Variants in RBFOX1 observed in about 807,000 individuals in gnomAD.
The protein encoded by RBFOX1 is RNA binding fox-1 homolog 1.
RBFOX1 carries 8 observed loss-of-function variants against 57.7 expected under a neutral mutation model. That is an observed-to-expected ratio of 0.14 (90% CI 0.08 to 0.25). The LOEUF is 0.25. RBFOX1 is among the 10% of genes least tolerant of loss of function. The pLI, the probability that RBFOX1 is intolerant of heterozygous loss-of-function variation, is 1.00. For missense variants in RBFOX1, 611 were observed against 548.5 expected (o/e 1.11, Z -1.14); for synonymous variants, 326 against 222.4 (o/e 1.47, Z -4.15).
chr16:6,744,468 A>C (rs1298788971), intron 3 of RBFOX1, among the ~76,000 whole-genome samples: 1 of 152,100 alleles, frequency 6.6e-6, no homozygotes, highest in Non-Finnish European at 1.5e-5. Flanking sequence ...TTTTTTAATC[A>C]ATAAATTTAA....
At chr16:6,351,372 ATT>A (rs761394862) in intron 2 of RBFOX1, among the ~76,000 whole-genome samples, 52 of 86,420 alleles carry the variant, frequency 6.0e-4, no homozygotes, top group African/African-American at 2.5e-3. Context: ...ATATATATAT[ATT>A]TTTTTTTTTT....
intron 1 of RBFOX1, among the ~76,000 whole-genome samples, chr16:5,439,863 G>A (rs188857256): frequency 4.2e-4 from 64 of 152,302 alleles, no homozygotes; most frequent in Admixed American, 4.1e-3. Context: ...GTGAGTTAGG[G>A]TTAGGGCATG....
chr16:6,246,659 G>A (rs987148107), intron 1 of RBFOX1, among the ~76,000 whole-genome samples: 3 of 152,182 alleles, frequency 2.0e-5, no homozygotes, highest in Non-Finnish European at 4.4e-5. Context: ...AATGTTAGAT[G>A]TCACAGTCAT....
chr16:6,347,236 C>T lies in RBFOX1; in HGVS notation c.-64+30179C>T, dbSNP rs1378844697. On this transcript the variant is annotated intron_variant, in intron 2 of 15. Transcript: ENST00000550418. ...AAAGTGATGTGAAGAAGAGAGTCAACTAGGGAAGTCATGGTAATGTAGACA... is the reference window on the plus strand; with the variant it reads ...AAAGTGATGTGAAGAAGAGAGTCAATTAGGGAAGTCATGGTAATGTAGACA... Among the ~76,000 whole-genome samples the T allele has an allele frequency of 3.3e-5, 5 of 152,150 alleles. No individual in the cohort carries two copies. The East Asian group carries it at 7.7e-4, about 23-fold the overall frequency.
Position 6,641,808 on chromosome 16 carries a change from G to A in RBFOX1, c.-63-12795G>A, listed in dbSNP as rs375725690. Among the ~76,000 whole-genome samples the A allele has an allele frequency of 1.5e-4, 22 of 147,052 alleles. No individual in the cohort carries two copies. The East Asian group carries it at 1.8e-3, about 12-fold the overall frequency. ...TTCTGCCCTGAGCCTTTCAGGCCTGGCCTTGTTGCTCTGGGACTTGCTCCC... is the reference window on the plus strand; with the variant it reads ...TTCTGCCCTGAGCCTTTCAGGCCTGACCTTGTTGCTCTGGGACTTGCTCCC... On this transcript the variant is annotated intron_variant, in intron 2 of 15. Coordinates refer to ENST00000550418, the MANE Select transcript of RBFOX1 (RefSeq NM_018723.4).
intron 1 of RBFOX1, among the ~76,000 whole-genome samples, chr16:6,278,719 T>A (rs552794908): frequency 3.7e-4 from 57 of 152,296 alleles, no homozygotes; most frequent in African/African-American, 1.3e-3. Flanking sequence ...AAATCATAGA[T>A]ATTTGCATAC....
chr16:7,006,848 C>T (rs116102225), intron 3 of RBFOX1, among the ~76,000 whole-genome samples: 14 of 152,192 alleles, frequency 9.2e-5, no homozygotes, highest in Non-Finnish European at 1.6e-4. Flanking sequence ...AGTGGAATCA[C>T]ACTTTGAACC....
intron 1 of RBFOX1, among the ~76,000 whole-genome samples, chr16:6,160,389 A>G (rs2096869248): frequency 6.6e-6 from 1 of 152,168 alleles, no homozygotes; most frequent in Non-Finnish European, 1.5e-5. Flanking sequence ...TTTTTCTGTG[A>G]CAAAAGCAGC....
intron 4 of RBFOX1, among the ~76,000 whole-genome samples, chr16:7,486,271 C>T (rs2065364110): frequency 1.3e-5 from 2 of 151,550 alleles, no homozygotes; most frequent in African/African-American, 4.9e-5. Context: ...TACAGTCCTC[C>T]TGAGAACCTG....
chr16:6,179,443 T>C (rs2097044422), intron 1 of RBFOX1, among the ~76,000 whole-genome samples: 1 of 152,184 alleles, frequency 6.6e-6, no homozygotes, highest in South Asian at 2.1e-4. Context: ...ACTGGAGACC[T>C]GACCCCATGT....
At chr16:6,630,033 T>C (rs1169136417) in intron 2 of RBFOX1, among the ~76,000 whole-genome samples, 2 of 151,186 alleles carry the variant, frequency 1.3e-5, no homozygotes, top group Non-Finnish European at 2.9e-5. Flanking sequence ...AACCCCTTAG[T>C]GTCATCTGCC....
chr16:7,182,181 C>T (rs766391918), intron 4 of RBFOX1, among the ~76,000 whole-genome samples: 6 of 152,096 alleles, frequency 3.9e-5, no homozygotes, highest in Middle Eastern at 3.2e-3. Context: ...CTTTTAGGGT[C>T]AGAGACTTTG....
At chr16:7,462,272 A>G (rs1013374266) in intron 4 of RBFOX1, among the ~76,000 whole-genome samples, 23 of 152,202 alleles carry the variant, frequency 1.5e-4, no homozygotes, top group African/African-American at 5.5e-4. Context: ...GAGTAAAAGA[A>G]ACACCCGGGG....
chr16:6,989,004 C>G (rs780118723), intron 3 of RBFOX1, among the ~76,000 whole-genome samples: 3 of 151,970 alleles, frequency 2.0e-5, no homozygotes, highest in Non-Finnish European at 2.9e-5. Flanking sequence ...CTGAGGTGAT[C>G]CACCCCCCTC....
chr16:7,694,511 G>A (rs527462976), intron 14 of RBFOX1, among the ~76,000 whole-genome samples: 1 of 152,336 alleles, frequency 6.6e-6, no homozygotes, highest in Admixed American at 6.5e-5. Flanking sequence ...CTTACCTGGT[G>A]AGTTCAAGAG....
At chr16:7,017,662 G>A (rs2093982700) in intron 3 of RBFOX1, among the ~76,000 whole-genome samples, 2 of 152,102 alleles carry the variant, frequency 1.3e-5, no homozygotes, top group African/African-American at 4.8e-5. Context: ...GCTGATACAT[G>A]CTTGACCTTG....
intron 1 of RBFOX1, among the ~76,000 whole-genome samples, chr16:6,268,557 G>A (rs2074820201): frequency 6.6e-6 from 1 of 152,108 alleles, no homozygotes; most frequent in African/African-American, 2.4e-5. Flanking sequence ...AAATTCTCAA[G>A]GGTTTACTCT....
chr16:5,928,390 G>C (rs992414038), intron 4 of RBFOX1, among the ~76,000 whole-genome samples: 48 of 149,608 alleles, frequency 3.2e-4, no homozygotes, highest in African/African-American at 1.1e-3. Flanking sequence ...GTCATGCATA[G>C]ATTTTAAATG....
intron 4 of RBFOX1, among the ~76,000 whole-genome samples, chr16:7,166,313 C>T (rs906970320): frequency 4.6e-5 from 7 of 152,166 alleles, no homozygotes; most frequent in East Asian, 1.9e-4. Context: ...CGCACCCGGC[C>T]GGAGTGGGTA....
Sources: gnomAD v4.1 joint callset for allele counts (sites outside exome capture counted in the v4.1 genomes callset) on GRCh38, gnomAD v4.1.1 for gene constraint, MANE v1.5 for transcripts, NCBI Gene and HGNC (gene_info 2026-07-23, HGNC 2026-07-21) for gene names.